Variants in COG5 observed in about 807,000 individuals in gnomAD.
COG5 encodes conserved oligomeric Golgi complex subunit 5.
Under a neutral mutation model 110.4 loss-of-function variants are expected in COG5, and 86 were observed. That is an observed-to-expected ratio of 0.78 (90% CI 0.65 to 0.93). COG5 has a LOEUF of 0.93. Among genes scored for constraint, COG5 ranks in the 40% least tolerant of loss-of-function variants. The probability of loss-of-function intolerance (pLI) is 0.00; values close to 1 mark genes in which losing one functional copy is unlikely to be tolerated. For synonymous variants in COG5, 360 were observed against 334.6 expected (o/e 1.08, Z -0.83); for missense variants, 1,077 against 987.0 (o/e 1.09, Z -1.22).
At chr7:107,342,190 C>T (rs1811217755) in intron 10 of COG5, among the ~76,000 whole-genome samples, 1 of 151,874 alleles carries the variant, frequency 6.6e-6, no homozygotes, top group Non-Finnish European at 1.5e-5. Flanking sequence ...AACAAATAAT[C>T]TCATTAAAAA....
chr7:107,454,900 G>T (rs1248020231), intron 6 of COG5, among the ~76,000 whole-genome samples: 3 of 151,970 alleles, frequency 2.0e-5, no homozygotes, highest in Admixed American at 1.3e-4. Context: ...CCCCATCGCA[G>T]AAGATTTTTG....
intron 12 of COG5, among the ~76,000 whole-genome samples, chr7:107,291,819 T>C (rs562511500): frequency 6.6e-5 from 10 of 152,300 alleles, no homozygotes; most frequent in African/African-American, 1.9e-4. Flanking sequence ...GGATCTCTCC[T>C]TGGAGCTAGC....
At chr7:107,258,011 A>G (rs1363148344) in intron 15 of COG5, among the ~76,000 whole-genome samples, 7 of 152,146 alleles carry the variant, frequency 4.6e-5, no homozygotes, top group Non-Finnish European at 8.8e-5. Flanking sequence ...TCTGTCCTCC[A>G]ATAATTTGCT....
intron 11 of COG5, among the ~76,000 whole-genome samples, chr7:107,319,701 TC>T (rs1809083994): frequency 6.6e-6 from 1 of 152,224 alleles, no homozygotes; most frequent in Admixed American, 6.5e-5. Flanking sequence ...TGACCTTTTT[TC>T]TTTCTTTTCA....
At chr7:107,386,726 T>G (rs1790236415) in intron 7 of COG5, among the ~76,000 whole-genome samples, 2 of 152,048 alleles carry the variant, frequency 1.3e-5, no homozygotes, top group African/African-American at 4.8e-5. Flanking sequence ...AGCCCAAGGT[T>G]CCTGGAAAAA....
chr7:107,523,272 A>G (rs1279200023), intron 6 of COG5, among the ~76,000 whole-genome samples: 1 of 152,096 alleles, frequency 6.6e-6, no homozygotes, highest in Non-Finnish European at 1.5e-5. Flanking sequence ...TTATGCTGTT[A>G]TAAGTGGTAT....
intron 12 of COG5, among the ~76,000 whole-genome samples, chr7:107,291,929 C>G (rs2116871010): frequency 6.6e-6 from 1 of 152,294 alleles, no homozygotes; most frequent in East Asian, 1.9e-4. Flanking sequence ...TTAAACTTCT[C>G]CAGGTTCAGT....
At chr7:107,514,397 G>T (rs1016589938) in intron 6 of COG5, among the ~76,000 whole-genome samples, 1 of 150,608 alleles carries the variant, frequency 6.6e-6, no homozygotes, top group African/African-American at 2.4e-5. Context: ...TTATTATGAG[G>T]TTATAGCTCA....
intron 7 of COG5, among the ~76,000 whole-genome samples, chr7:107,396,034 C>T (rs904659467): frequency 1.3e-5 from 2 of 152,144 alleles, no homozygotes; most frequent in African/African-American, 4.8e-5. Flanking sequence ...TAACACCATA[C>T]ATGTGACAAC....
At chr7:107,300,448 A>G (rs1178684664) in intron 11 of COG5, among the ~76,000 whole-genome samples, 1 of 152,182 alleles carries the variant, frequency 6.6e-6, no homozygotes, top group Non-Finnish European at 1.5e-5. Flanking sequence ...GAGAAAAGCT[A>G]CTAGAGTTAA....
intron 14 of COG5, 65 bp downstream of exon 14, chr7:107,281,235 A>G: frequency 1.0e-6 from 1 of 1,003,430 alleles, no homozygotes; most frequent in South Asian, 1.4e-5. Flanking sequence ...TGATTAGTCA[A>G]GTATTATATA....
chr7:107,513,213 C>A (rs1298091711), intron 6 of COG5, among the ~76,000 whole-genome samples: 1 of 152,096 alleles, frequency 6.6e-6, no homozygotes, highest in African/African-American at 2.4e-5. Context: ...AAAAAACAGA[C>A]AACCCCATCA....
intron 7 of COG5, among the ~76,000 whole-genome samples, chr7:107,409,262 T>C (rs949635386): frequency 1.2e-4 from 17 of 136,512 alleles, no homozygotes; most frequent in Admixed American, 5.8e-4. Context: ...ACAGGAGAGA[T>C]TGAGATAAAG....
intron 12 of COG5, among the ~76,000 whole-genome samples, chr7:107,284,286 A>G (rs1173210894): frequency 6.6e-6 from 1 of 152,180 alleles, no homozygotes; most frequent in Non-Finnish European, 1.5e-5. Context: ...ATGCACCAAT[A>G]CCTACTGTAT....
chr7:107,378,522 T>C (rs570077616), intron 7 of COG5, among the ~76,000 whole-genome samples: 159 of 152,052 alleles, frequency 1.0e-3, no homozygotes, highest in Non-Finnish European at 2.0e-3. Context: ...GCTAAGAACC[T>C]TGAAAAAAGG....
intron 8 of COG5, among the ~76,000 whole-genome samples, chr7:107,370,880 T>C (rs1814097779): frequency 6.6e-6 from 1 of 151,796 alleles, no homozygotes; most frequent in African/African-American, 2.4e-5. Context: ...GCTTAAGGTT[T>C]CTGTGTTAAA....
intron 6 of COG5, among the ~76,000 whole-genome samples, chr7:107,427,027 C>T (rs758944418): frequency 2.0e-5 from 3 of 152,052 alleles, no homozygotes; most frequent in Non-Finnish European, 4.4e-5. Context: ...GACTACTATT[C>T]GATAATATGG....
At chr7:107,553,813 T>G (rs1803098246) in intron 3 of COG5, among the ~76,000 whole-genome samples, 1 of 152,228 alleles carries the variant, frequency 6.6e-6, no homozygotes, top group Non-Finnish European at 1.5e-5. Flanking sequence ...CCACTACTAG[T>G]CACTCTGGTA....
chr7:107,211,237 A>G lies in COG5; in HGVS notation c.2169-12T>C. On this transcript the variant is annotated splice_polypyrimidine_tract_variant and intron_variant, in intron 19 of 21. Coordinates refer to ENST00000297135, the MANE Select transcript of COG5 (RefSeq NM_006348.5). ...GGAAGAGCAGAGGTCTAGACGGGAA[A>G]AACAGAAGTTATTTCACACTGTTCA... 6.2e-7 allele frequency: 1 copy of G among 1,613,730 alleles called. No homozygotes were observed. The highest frequency in any genetic ancestry group is 1.3e-5 in the African/African-American group (1 of 75,036).
Sources: gnomAD v4.1 joint callset for allele counts (sites outside exome capture counted in the v4.1 genomes callset) on GRCh38, gnomAD v4.1.1 for gene constraint, MANE v1.5 for transcripts, NCBI Gene and HGNC (gene_info 2026-07-23, HGNC 2026-07-21) for gene names.